The following NOP14 variants were observed in gnomAD, a reference collection of about 807,000 sequenced individuals.
NOP14 encodes the protein NOP14 nucleolar protein.
NOP14 carries 57 observed loss-of-function variants against 101.6 expected under a neutral mutation model. That is an observed-to-expected ratio of 0.56 (90% CI 0.45 to 0.70). The LOEUF (loss-of-function observed/expected upper bound fraction) is 0.70, where lower values mean the gene tolerates loss of function less well. Among genes scored for constraint, NOP14 ranks in the 30% least tolerant of loss-of-function variants. NOP14 has a pLI of 0.00. For missense variants in NOP14, 1,134 were observed against 1,075.5 expected (o/e 1.05, Z -0.76); for synonymous variants, 428 against 424.0 (o/e 1.01, Z -0.12).
At position 2,941,641 on chromosome 4, in the gene NOP14, G is replaced by A. The variant is rs1464551819; in HGVS notation, c.2140C>T (p.Pro714Ser). ...TGATCCGTGAGGAGGGCTTGGAGAGGCCCCATGATGGCGTGGAAGGATGGC... is the reference window on the plus strand; with the variant it reads ...TGATCCGTGAGGAGGGCTTGGAGAGACCCCATGATGGCGTGGAAGGATGGC... ...SLPSFHAIMG[P>S]LQALLTDHLA... Residue 714 changes from proline (P) to serine (S), a missense_variant, in exon 15 of 18, where the codon CCT becomes TCT. Transcript: ENST00000416614. 3 of 1,613,442 alleles carry A rather than the reference G, an allele frequency of 1.9e-6. No individual in the cohort carries two copies. The South Asian group carries it at 3.3e-5, about 18-fold the overall frequency.
intron 13 of NOP14, among the ~76,000 whole-genome samples, chr4:2,943,604 G>C (rs754866294): frequency 3.3e-5 from 5 of 152,248 alleles, no homozygotes; most frequent in Non-Finnish European, 5.9e-5. Context: ...AGAGCGTTAA[G>C]AGAAGCGACA....
chr4:2,962,971 G>C (rs1184239108), intron 1 of NOP14, among the ~76,000 whole-genome samples, 154 bp downstream of exon 1: 2 of 152,214 alleles, frequency 1.3e-5, no homozygotes, highest in African/African-American at 4.8e-5. Flanking sequence ...TCAGAGAACA[G>C]CAGAGGCTTT....
intron 8 of NOP14, among the ~76,000 whole-genome samples, chr4:2,949,687 G>A (rs1423868859): frequency 6.6e-6 from 1 of 152,198 alleles, no homozygotes; most frequent in Non-Finnish European, 1.5e-5. Flanking sequence ...GGGAGGTGAA[G>A]GTACCACTAG....
Position 2,938,828 on chromosome 4 carries a change from A to G in NOP14, c.*3T>C, listed in dbSNP as rs749706857. 30 of 1,608,400 alleles carry G rather than the reference A, an allele frequency of 1.9e-5. No individual in the cohort carries two copies. The highest frequency in any genetic ancestry group is 2.7e-5 in the African/African-American group (2 of 74,700). On this transcript the variant is annotated 3_prime_UTR_variant, in exon 18 of 18. Coordinates refer to ENST00000416614, the MANE Select transcript of NOP14 (RefSeq NM_001291978.2). ...GTTCCTTGCCTTATTTATAAAATGT[A>G]ATTTATTTTTTGAACTTTTTCCTCT... is the stretch of plus-strand genomic sequence containing the variant.
chr4:2,952,591 A>G (rs1324531502), intron 5 of NOP14, among the ~76,000 whole-genome samples, 194 bp from the exon 6 acceptor site: 5 of 152,188 alleles, frequency 3.3e-5, no homozygotes, highest in Non-Finnish European at 7.3e-5. Context: ...AAATCAGTGG[A>G]CATTCGGTCA....
At chr4:2,941,882 G>C in intron 14 of NOP14, 153 bp from the exon 15 acceptor site, 2 of 858,970 alleles carry the variant, frequency 2.3e-6, no homozygotes, top group Non-Finnish European at 3.5e-6. Context: ...ATGCAACCAC[G>C]GGCAAGGCAG....
chr4:2,939,927 G>C (rs942787813), intron 15 of NOP14, among the ~76,000 whole-genome samples: 1 of 152,240 alleles, frequency 6.6e-6, no homozygotes, highest in Non-Finnish European at 1.5e-5. Flanking sequence ...GAGGGGACTT[G>C]GGGAGTTGGA....
Position 2,960,051 on chromosome 4 carries a change from C to G in NOP14, c.196-2311G>C, listed in dbSNP as rs1377644936. On this transcript the variant is annotated intron_variant, in intron 1 of 17. Coordinates refer to ENST00000416614, the MANE Select transcript of NOP14 (RefSeq NM_001291978.2). The stretch of plus-strand genomic sequence containing the variant: ...GTGGCACAATCTCAGCTCACTACAA[C>G]CTCCACCTGCCGGGTTCAAGCAATT... Among the ~76,000 whole-genome samples the G allele has an allele frequency of 4.3e-4, 65 of 152,034 alleles. 1 individual carries two copies. The highest frequency in any genetic ancestry group is 1.3e-3 in the African/African-American group (55 of 41,466).
In NOP14 at chr4:2,954,415, C is replaced by CGTTA. The variant is rs1715210370; in HGVS notation, c.612+8_612+9insTAAC. ...TGGAGAAGATGATCAAGAACACTCA[C>CGTTA]TAACCCACCTTCTCTTGTTTTGACT... On this transcript the variant is annotated intron_variant, in intron 4 of 17. Coordinates refer to ENST00000416614, the MANE Select transcript of NOP14 (RefSeq NM_001291978.2). 3.7e-6 allele frequency: 6 copies of CGTTA among 1,613,814 alleles called. No homozygotes were observed. The East Asian group carries it at 1.3e-4, about 36-fold the overall frequency.
intron 11 of NOP14, among the ~76,000 whole-genome samples, chr4:2,945,614 C>A (rs1395322860): frequency 2.6e-5 from 4 of 152,212 alleles, no homozygotes; most frequent in African/African-American, 9.7e-5. Flanking sequence ...GCAAGTATTT[C>A]CTTAAAGTTA....
intron 13 of NOP14, 107 bp downstream of exon 13, chr4:2,943,966 G>A: frequency 1.1e-6 from 1 of 911,274 alleles, no homozygotes; most frequent in Admixed American, 2.6e-5. Flanking sequence ...CAGGTTGTGT[G>A]TTTCCTCTAC....
At chr4:2,953,473 C>T (rs1241831793) in intron 5 of NOP14, 38 bp downstream of exon 5, 1 of 1,610,346 alleles carries the variant, frequency 6.2e-7, no homozygotes, top group Admixed American at 1.7e-5. Context: ...CACCCAAGCT[C>T]AGTGAGTGAA....
chr4:2,944,477 G>A (rs1714461344), intron 12 of NOP14, among the ~76,000 whole-genome samples: 1 of 152,138 alleles, frequency 6.6e-6, no homozygotes, highest in Non-Finnish European at 1.5e-5. Context: ...CACAATCTCG[G>A]CTCACTGCAA....
intron 7 of NOP14, 104 bp downstream of exon 7, chr4:2,951,010 G>T: frequency 2.7e-6 from 3 of 1,093,416 alleles, no homozygotes; most frequent in South Asian, 1.6e-5. Context: ...TGGTTAAAAA[G>T]ATTTAAAATT....
rs1450338451 is a variant in NOP14, at chr4:2,938,276, A to T, written c.*555T>A. 8.0e-7 allele frequency: 1 copy of T among 1,246,892 alleles called. No individual in the cohort carries two copies. The highest frequency in any genetic ancestry group is 5.6e-5 in the East Asian group (1 of 17,752). The allele number at this position is 1,246,892 out of a possible 1,614,324, so 77.2% of individuals were successfully genotyped here. ...CTGGGTGCTGTGGCTCACACCTATA[A>T]TTGGGGGGCCAAGGCAGGTGGATTA... On this transcript the variant is annotated 3_prime_UTR_variant, in exon 18 of 18. Coordinates refer to ENST00000416614, the MANE Select transcript of NOP14 (RefSeq NM_001291978.2).
At chr4:2,953,945 C>T (rs1715181041) in intron 4 of NOP14, among the ~76,000 whole-genome samples, 1 of 152,178 alleles carries the variant, frequency 6.6e-6, no homozygotes, top group Non-Finnish European at 1.5e-5. Context: ...CAACAAAAAA[C>T]CCATCCGCGC....
chr4:2,943,621 C>T (rs893553047), intron 13 of NOP14, among the ~76,000 whole-genome samples: 1 of 152,226 alleles, frequency 6.6e-6, no homozygotes, highest in Non-Finnish European at 1.5e-5. Flanking sequence ...GACACAGCAG[C>T]GCGGCCTGTG....
At chr4:2,962,434 G>T (rs1445911807) in intron 1 of NOP14, among the ~76,000 whole-genome samples, 2 of 152,190 alleles carry the variant, frequency 1.3e-5, no homozygotes, top group East Asian at 3.9e-4. Flanking sequence ...GATGAACAGA[G>T]ATCAGGAGCT....
chr4:2,952,985 C>CTA (rs1333223925), intron 5 of NOP14, among the ~76,000 whole-genome samples: 2 of 152,192 alleles, frequency 1.3e-5, no homozygotes, highest in African/African-American at 4.8e-5. Context: ...ACGCCCTAAA[C>CTA]GTGGGAAACT....
Sources: gnomAD v4.1 joint callset for allele counts (sites outside exome capture counted in the v4.1 genomes callset) on GRCh38, gnomAD v4.1.1 for gene constraint, MANE v1.5 for transcripts, NCBI Gene and HGNC (gene_info 2026-07-23, HGNC 2026-07-21) for gene names.